Variants in EPS8L1 observed in about 807,000 individuals in gnomAD.
EPS8L1 encodes the protein EPS8 signaling adaptor L1.
In EPS8L1, 101 loss-of-function variants were observed where a neutral mutation model predicts 91.7. The observed-to-expected ratio is 1.10, with a 90% confidence interval of 0.94 to 1.30. EPS8L1 has a LOEUF of 1.30. Ranked by LOEUF, EPS8L1 falls within the 50% of genes most tolerant of loss-of-function variation. EPS8L1 has a pLI of 0.00. For missense variants in EPS8L1, 1,114 were observed against 1,017.0 expected, an observed-to-expected ratio of 1.10 and a Z score of -1.30; for synonymous variants, 506 against 445.3, an observed-to-expected ratio of 1.14 and a Z score of -1.72.
Position 55,086,426 on chromosome 19 carries a change from C to A in EPS8L1, c.1685C>A (p.Pro562Gln), listed in dbSNP as rs748282634. The change falls in exon 17 of 20, where the codon CCG becomes CAG. Residue 562 changes from proline (P) to glutamine (Q), a missense_variant. Transcript: ENST00000201647. ...CCTCCTCCACCACCAGCCCCAGCCC[C>A]GGCCCCACCTCCAGCTCTGGCTCGG... ...STPPPPPAPA[P>Q]APPPALARPR... 6.4e-7 allele frequency: 1 copy of A among 1,558,804 alleles called. No individual in the cohort carries two copies. Among genetic ancestry groups the A allele is most frequent in the Admixed American group, 1.9e-5 (1 of 51,660 alleles).
In EPS8L1 at chr19:55,082,555, T is replaced by A; in HGVS notation, c.1167T>A (p.Arg389=). The A allele has an allele frequency of 6.2e-7, 1 of 1,600,690 alleles. No homozygotes were observed. The highest frequency in any genetic ancestry group is 1.1e-5 in the South Asian group (1 of 89,424). The change falls in exon 12 of 20, where the codon CGT becomes CGA. Residue 389 remains arginine, a synonymous_variant. Transcript: ENST00000201647. ...TGCTGCGGGACAACGTCACTCCACG[T>A]GAAAACGAGCTCTGGACCTCGCTGG... ...VALLRDNVTP[R]ENELWTSLGD...
rs1267249176 is a variant in EPS8L1, at chr19:55,082,439, C to G, written c.1066-15C>G. ...GGTGTGGCGGCACAGCCTGCCCCTC[C>G]TGCTCCCCTGACAGATTGTGAACAC... On this transcript the variant is annotated splice_polypyrimidine_tract_variant and intron_variant, in intron 11 of 19. Coordinates refer to ENST00000201647, the MANE Select transcript of EPS8L1 (RefSeq NM_133180.3). 4 of 1,611,246 alleles carry G rather than the reference C, an allele frequency of 2.5e-6. No homozygotes were observed. The Admixed American group carries it at 6.7e-5, about 27-fold the overall frequency.
intron 7 of EPS8L1, 139 bp downstream of exon 7, chr19:55,080,993 C>A: frequency 1.1e-6 from 1 of 925,702 alleles, no homozygotes; most frequent in Non-Finnish European, 1.6e-6. Flanking sequence ...TCTGTACCTC[C>A]CAGACGAGCT....
intron 3 of EPS8L1, 42 bp from the exon 4 acceptor site, chr19:55,078,957 T>C: frequency 6.2e-7 from 1 of 1,607,758 alleles, no homozygotes; most frequent in African/African-American, 1.3e-5. Flanking sequence ...GAGGAGGGGC[T>C]GGGCCTGGAC....
intron 17 of EPS8L1, 81 bp from the exon 18 acceptor site, chr19:55,086,633 G>GCGGCCCCCCCCCCCCCCCCCCAGGCCCCC: frequency 7.0e-7 from 1 of 1,428,506 alleles, no homozygotes; most frequent in Non-Finnish European, 9.4e-7. Flanking sequence ...GGACGCTGGA[G>GCGGCCCCCCCCCCCCCCCCCCAGGCCCCC]CGCCCCCCCG....
chr19:55,079,399 T>C (rs73932293), intron 4 of EPS8L1, among the ~76,000 whole-genome samples: 7,084 of 152,104 alleles, frequency 0.047, 270 homozygotes, highest in Admixed American at 0.12. Context: ...GCAGGGGGCA[T>C]GGCAGGAGAC....
rs1022827530 is a variant in EPS8L1, at chr19:55,083,172, A to C, written c.1215-206A>C. On this transcript the variant is annotated intron_variant, in intron 12 of 19. Transcript: ENST00000201647. This position sits in a 1 kb window ranked among gnomAD's most constrained non-coding sequence, Gnocchi z 4.7. ...TGGCCTCCCAAAATGCTGGGATTAC[A>C]GGCGTGAGCCACCGTGCCCGGTCTA... is the stretch of plus-strand genomic sequence containing the variant. 6.6e-6 allele frequency among the ~76,000 whole-genome samples: 1 copy of C among 152,228 alleles called. No homozygotes were observed. The highest frequency in any genetic ancestry group is 1.5e-5 in the Non-Finnish European group (1 of 68,042).
At chr19:55,087,460 G>C (rs564857206) in intron 19 of EPS8L1, 25 bp downstream of exon 19, 2 of 1,614,170 alleles carry the variant, frequency 1.2e-6, no homozygotes, top group African/African-American at 2.7e-5. Flanking sequence ...TGGTCCCTGG[G>C]TCTGGGTAGG....
In EPS8L1 at chr19:55,081,174, C is replaced by G; in HGVS notation, c.513-57C>G. The G allele has an allele frequency of 2.7e-6, 4 of 1,456,164 alleles. No individual in the cohort carries two copies. Among genetic ancestry groups the G allele is most frequent in the Non-Finnish European group, 3.6e-6 (4 of 1,111,578 alleles). The allele number at this position is 1,456,164 out of a possible 1,614,324, so 90.2% of individuals were successfully genotyped here. A position where few individuals can be genotyped will look rare whatever the true frequency, so the allele number is the denominator to read the frequency against. On this transcript the variant is annotated intron_variant, in intron 7 of 19. Coordinates refer to ENST00000201647, the MANE Select transcript of EPS8L1 (RefSeq NM_133180.3). This position sits in a 1 kb window ranked among gnomAD's most constrained non-coding sequence, Gnocchi z 4.9. The stretch of plus-strand genomic sequence containing the variant: ...GTGTCTCGTTCTGCGCCCTGGATTT[C>G]CCCCTCCCTGGACCCCTCAGTGGAC...
rs761234909 is a variant in EPS8L1 at position 55,079,861 on chromosome 19, G to T, written c.279+10G>T. 4 of 1,606,626 alleles carry T rather than the reference G, an allele frequency of 2.5e-6. No homozygotes were observed. The Admixed American group carries it at 5.1e-5, about 20-fold the overall frequency. The stretch of plus-strand genomic sequence containing the variant: ...CGACCCGGCCTCCAAGGTGCCGGGG[G>T]GCACGTGGGTGGGAGGAGTGTCTGG... On this transcript the variant is annotated intron_variant, in intron 5 of 19. Transcript: ENST00000201647.
intron 2 of EPS8L1, among the ~76,000 whole-genome samples, chr19:55,077,529 C>A (rs540408271): frequency 4.0e-5 from 6 of 150,354 alleles, no homozygotes; most frequent in Admixed American, 2.0e-4. Context: ...CGGACTATGC[C>A]ATGGTAGAGA....
At chr19:55,080,329 G>A (rs778552880) in intron 6 of EPS8L1, 51 bp downstream of exon 6, 2 of 1,541,352 alleles carry the variant, frequency 1.3e-6, no homozygotes, top group African/African-American at 1.4e-5. Context: ...GGCGGAGCCT[G>A]GAGCCGGGGC....
chr19:55,086,259 G>A, intron 16 of EPS8L1, 67 bp downstream of exon 16: 1 of 1,607,006 alleles, frequency 6.2e-7, no homozygotes, highest in South Asian at 1.1e-5. Context: ...GGAACAAGGG[G>A]CGTGGGGATC....
Position 55,087,864 on chromosome 19 carries a change from A to G in EPS8L1, c.*250A>G. 1.9e-6 allele frequency: 1 copy of G among 532,278 alleles called. No individual in the cohort carries two copies. Among genetic ancestry groups the G allele is most frequent in the Non-Finnish European group, 3.4e-6 (1 of 293,758 alleles). 33.0% of individuals were successfully genotyped at this position (532,278 alleles called of 1,614,324 possible). ...CGCTAGCAGACCCCCGAGAGGGTGC[A>G]GTGGAGCCCTGAGCATTGTAATATG... On this transcript the variant is annotated 3_prime_UTR_variant, in exon 20 of 20. Transcript: ENST00000201647.
chr19:55,081,261 C>T lies in EPS8L1; in HGVS notation c.543C>T (p.Arg181=). The change falls in exon 8 of 20, where the codon CGC becomes CGT. Residue 181 remains arginine (R), a synonymous_variant. Transcript: ENST00000201647. This position sits in a 1 kb window ranked among gnomAD's most constrained non-coding sequence, Gnocchi z 4.9. ...RATQEELQRD[R]SPAAETPPLQ... ...CGCAGGAGGAGTTGCAGCGCGACCG[C>T]TCGCCCGCCGCTGAGACCCCGCCCC... 1.3e-6 allele frequency: 2 copies of T among 1,507,444 alleles called. No homozygotes were observed. The highest frequency in any genetic ancestry group is 1.3e-5 in the South Asian group (1 of 78,814). 93.4% of individuals were successfully genotyped at this position (1,507,444 alleles called of 1,614,324 possible). A position where few individuals can be genotyped will look rare whatever the true frequency, so the allele number is the denominator to read the frequency against.
chr19:55,080,138 G>T lies in EPS8L1; in HGVS notation c.289G>T (p.Glu97Ter). 1 of 1,501,898 alleles carries T rather than the reference G, an allele frequency of 6.7e-7. No individual in the cohort carries two copies. Among genetic ancestry groups the T allele is most frequent in the Non-Finnish European group, 8.9e-7 (1 of 1,119,050 alleles). The allele number at this position is 1,501,898 out of a possible 1,614,324, so 93.0% of individuals were successfully genotyped here. A position where few individuals can be genotyped will look rare whatever the true frequency, so the allele number is the denominator to read the frequency against. ...CCATCCCACCCGGCAGGAGGAGCTG[G>T]AGTCGTACCCACTGGGCGCCATCGT... is the stretch of plus-strand genomic sequence containing the variant. ...LLDPASKEEL[E>*]SYPLGAIVRC... Residue 97 changes from glutamate (E) to a stop codon, truncating the protein, a stop_gained, in exon 6 of 20, where the codon GAG becomes TAG. Coordinates refer to ENST00000201647, the MANE Select transcript of EPS8L1 (RefSeq NM_133180.3). LOFTEE classifies it high-confidence loss of function.
chr19:55,085,270 A>G (rs1292680604), intron 14 of EPS8L1, among the ~76,000 whole-genome samples: 1 of 152,102 alleles, frequency 6.6e-6, no homozygotes, highest in Non-Finnish European at 1.5e-5. Context: ...GGTTCAAGCA[A>G]TTCTCCTGCC....
Position 55,081,861 on chromosome 19 carries a change from G to A in EPS8L1, c.863G>A (p.Arg288Gln), listed in dbSNP as rs1671162. The A allele has an allele frequency of 5.6e-6, 9 of 1,609,942 alleles. No individual in the cohort carries two copies. In the Middle Eastern group the frequency reaches 5.0e-4, roughly 89 times the overall value. Reference protein sequence around the residue: ...SAEAARVLEHRERGRRSRRRA... With the variant: ...SAEAARVLEHQERGRRSRRRA... ...GAGGCGGCCAGGGTGCTGGAGCACC[G>A]GGAACGCGGCCGCAGGAGCCGGCGC... is the stretch of plus-strand genomic sequence containing the variant. The change falls in exon 9 of 20, where the codon CGG becomes CAG. Residue 288 changes from arginine (R) to glutamine (Q), a missense_variant. Arg to Gln is a conservative substitution (Grantham distance 43). Coordinates refer to ENST00000201647, the MANE Select transcript of EPS8L1 (RefSeq NM_133180.3). This position sits in a 1 kb window ranked among gnomAD's most constrained non-coding sequence, Gnocchi z 4.9.
intron 3 of EPS8L1, 50 bp from the exon 4 acceptor site, chr19:55,078,949 G>C (rs200143964): frequency 6.3e-7 from 1 of 1,586,854 alleles, no homozygotes; most frequent in Admixed American, 1.7e-5. Context: ...GTCTGATGGA[G>C]GAGGGGCTGG....
Sources: gnomAD v4.1 joint callset for allele counts (sites outside exome capture counted in the v4.1 genomes callset) on GRCh38, gnomAD v4.1.1 for gene constraint, Gnocchi (gnomAD v3.1) non-coding constraint, MANE v1.5 for transcripts, NCBI Gene and HGNC (gene_info 2026-07-23, HGNC 2026-07-21) for gene names.